CUL2: variants seen among roughly 807,000 people sequenced by gnomAD.
CUL2 encodes cullin-2.
Under a neutral mutation model 110.2 loss-of-function variants are expected in CUL2, and 22 were observed. That is an observed-to-expected ratio of 0.20 (90% CI 0.14 to 0.28). The LOEUF is 0.28. Ranked by LOEUF, CUL2 falls within the 10% of genes least tolerant of loss-of-function variation. CUL2 has a pLI of 1.00. For missense variants in CUL2, 631 were observed against 905.5 expected (o/e 0.70, Z 3.89); for synonymous variants, 279 against 293.2 (o/e 0.95, Z 0.49).
chr10:35,010,368 G>T lies in CUL2; in HGVS notation c.2181C>A (p.Asp727Glu). The change falls in exon 21 of 21, where the codon GAC (aspartate) becomes GAA (glutamate). Residue 727 changes from aspartate (D) to glutamate (E), a missense_variant. Transcript: ENST00000374749. ...CCTGGCTGCGTTCTATGTATTGTTTGTCTATCAGAACTTCAATACACTTCT... is the reference window on the plus strand; with the variant it reads ...CCTGGCTGCGTTCTATGTATTGTTTTTCTATCAGAACTTCAATACACTTCT... ...MIKKCIEVLI[D>E]KQYIERSQAS... The T allele has an allele frequency of 6.2e-7, 1 of 1,611,862 alleles. No homozygotes were observed. The highest frequency in any genetic ancestry group is 8.5e-7 in the Non-Finnish European group (1 of 1,179,066).
At chr10:35,085,385 G>A (rs1001074210) in intron 1 of CUL2, among the ~76,000 whole-genome samples, 8 of 151,274 alleles carry the variant, frequency 5.3e-5, no homozygotes, top group African/African-American at 1.9e-4. Context: ...AGCTGAGATC[G>A]CGCCACTGCG....
intron 1 of CUL2, among the ~76,000 whole-genome samples, chr10:35,109,043 T>A (rs548692693): frequency 1.3e-5 from 2 of 152,172 alleles, no homozygotes; most frequent in South Asian, 4.2e-4. Flanking sequence ...CAAAACTCTA[T>A]CTCTACAAAA....
intron 9 of CUL2, among the ~76,000 whole-genome samples, chr10:35,035,796 G>A (rs2085606399): frequency 6.6e-6 from 1 of 152,176 alleles, no homozygotes; most frequent in South Asian, 2.1e-4. Context: ...CAAAAGTGAG[G>A]TTACTGTGTC....
chr10:35,123,094 C>T (rs1374306319), intron 1 of CUL2, among the ~76,000 whole-genome samples: 1 of 152,126 alleles, frequency 6.6e-6, no homozygotes, highest in Non-Finnish European at 1.5e-5. Context: ...GCTGTGACGG[C>T]ACCACTGCAC....
chr10:35,018,221 A>G (rs894813627), intron 17 of CUL2, among the ~76,000 whole-genome samples: 1 of 132,828 alleles, frequency 7.5e-6, no homozygotes, highest in African/African-American at 2.8e-5. Flanking sequence ...CGGGAGGCGG[A>G]GCTTGCAGTG....
Position 35,010,185 on chromosome 10 carries a change from TA to T in CUL2, c.*125del. ...TCATGACGTGGCACTGGTGATGTTG[TA>T]AACAGCAGAAAACAGGGGCTGCCAA... On this transcript the variant is annotated 3_prime_UTR_variant, in exon 21 of 21. Transcript: ENST00000374749. The T allele has an allele frequency of 1.0e-6, 1 of 957,968 alleles. No homozygotes were observed. Among genetic ancestry groups the T allele is most frequent in the Non-Finnish European group, 1.4e-6 (1 of 698,602 alleles). The allele number at this position is 957,968 out of a possible 1,614,324, so 59.3% of individuals were successfully genotyped here. A position where few individuals can be genotyped will look rare whatever the true frequency, so the allele number is the denominator to read the frequency against.
rs557324508 is a variant in CUL2, at chr10:35,023,142, T to C, written c.1684+1990A>G. Among the ~76,000 whole-genome samples, 8 of 152,236 alleles carry C rather than the reference T, an allele frequency of 5.3e-5. No individual in the cohort carries two copies. The South Asian group carries it at 6.2e-4, about 12-fold the overall frequency. On this transcript the variant is annotated intron_variant, in intron 17 of 20. Coordinates refer to ENST00000374749, the MANE Select transcript of CUL2 (RefSeq NM_003591.4). ...ATAAAGATAAGTGAGAAGCTACTTA[T>C]GTTAATTAGCTTGAGTTAATCATTT...
chr10:35,089,848 G>C (rs1310490871), intron 1 of CUL2: 1 of 152,106 alleles, frequency 6.6e-6, no homozygotes, highest in Admixed American at 6.6e-5. Context: ...ACAGAGTTGT[G>C]TATTCGTGTG....
chr10:35,098,002 G>T (rs962119986), intron 2 of CUL2: 6 of 151,846 alleles, frequency 4.0e-5, no homozygotes, highest in Admixed American at 3.9e-4. Flanking sequence ...ATAAATAAAA[G>T]AACAAAAGTA....
At chr10:35,113,306 G>A (rs140660485) in intron 1 of CUL2, among the ~76,000 whole-genome samples, 204 of 150,988 alleles carry the variant, frequency 1.4e-3, no homozygotes, top group African/African-American at 4.4e-3. Flanking sequence ...GACCAGCCTG[G>A]CCAACATGGT....
chr10:35,015,711 A>C (rs549545941), intron 18 of CUL2, among the ~76,000 whole-genome samples: 3 of 152,230 alleles, frequency 2.0e-5, no homozygotes, highest in Non-Finnish European at 4.4e-5. Context: ...GATATTAAAA[A>C]TATATGGTGG....
chr10:35,060,025 T>A (rs1343641362), intron 4 of CUL2, among the ~76,000 whole-genome samples: 8 of 152,112 alleles, frequency 5.3e-5, no homozygotes, highest in African/African-American at 1.9e-4. Context: ...TTTGGGAGAC[T>A]GAGGAGGGAG....
chr10:35,086,152 TTGA>T (rs1177925173), intron 1 of CUL2, among the ~76,000 whole-genome samples: 7 of 151,634 alleles, frequency 4.6e-5, no homozygotes, highest in Non-Finnish European at 7.4e-5. Flanking sequence ...TGGGCTGAGA[TTGA>T]GCCCCTGCAC....
intron 1 of CUL2, among the ~76,000 whole-genome samples, chr10:35,105,950 T>A (rs1467808183): frequency 6.6e-6 from 1 of 152,060 alleles, no homozygotes; most frequent in Non-Finnish European, 1.5e-5. Context: ...GAGAACAGCA[T>A]ATATTTCCAA....
intron 4 of CUL2, among the ~76,000 whole-genome samples, chr10:35,056,885 A>T (rs757561853): frequency 2.0e-5 from 3 of 152,188 alleles, no homozygotes; most frequent in Non-Finnish European, 2.9e-5. Flanking sequence ...TGCTTTAATC[A>T]GTCAGTCTTC....
At chr10:35,020,036 T>C (rs1300695940) in intron 17 of CUL2, among the ~76,000 whole-genome samples, 1 of 152,170 alleles carries the variant, frequency 6.6e-6, no homozygotes, top group Non-Finnish European at 1.5e-5. Flanking sequence ...TAGATGCCTT[T>C]GAAATATGCA....
chr10:35,076,503 G>C (rs1453008038), intron 1 of CUL2, among the ~76,000 whole-genome samples: 1 of 152,096 alleles, frequency 6.6e-6, no homozygotes, highest in Non-Finnish European at 1.5e-5. Context: ...GTGGAAGTAA[G>C]TATCAATACA....
intron 17 of CUL2, among the ~76,000 whole-genome samples, chr10:35,024,252 A>G (rs1490498690): frequency 6.6e-6 from 1 of 152,218 alleles, no homozygotes; most frequent in Non-Finnish European, 1.5e-5. Flanking sequence ...ATCGACTTAT[A>G]TAAGTAATGC....
At chr10:35,062,619 C>T (rs972170469) in intron 3 of CUL2, among the ~76,000 whole-genome samples, 1 of 151,506 alleles carries the variant, frequency 6.6e-6, no homozygotes, top group African/African-American at 2.4e-5. Context: ...ATCACTGGAG[C>T]CCAGGAGTTT....
Sources: allele counts gnomAD v4.1 joint callset (sites outside exome capture counted in the v4.1 genomes callset), GRCh38; gene constraint gnomAD v4.1.1; transcripts MANE v1.5; gene names NCBI Gene and HGNC (gene_info 2026-07-23, HGNC 2026-07-21).